SOCS5: variants seen among roughly 807,000 people sequenced by gnomAD.
SOCS5 encodes CIS-6.
SOCS5 carries 32 observed loss-of-function variants against 42.8 expected under a neutral mutation model. The observed-to-expected ratio is 0.75, with a 90% CI of 0.56 to 1.01. The LOEUF is 1.01. SOCS5 is among the 50% of genes least tolerant of loss of function. The probability of loss-of-function intolerance (pLI) is 0.00; values close to 1 mark genes in which losing one functional copy is unlikely to be tolerated. For missense variants in SOCS5, 627 were observed against 653.0 expected (o/e 0.96, Z 0.43); for synonymous variants, 283 against 229.6 (o/e 1.23, Z -2.10).
chr2:46,762,624 G>T lies in SOCS5; in HGVS notation c.*2483G>T. On this transcript the variant is annotated 3_prime_UTR_variant, in exon 2 of 2. Transcript: ENST00000394861. ...TAAATTTTTGTCTTAAAATATTAGT[G>T]GCTTACATTTTAAAAAAGAAAAATC... is the stretch of plus-strand genomic sequence containing the variant. The T allele has an allele frequency of 6.0e-6, 1 of 165,726 alleles. No individual in the cohort carries two copies. 10.3% of individuals were successfully genotyped at this position (165,726 alleles called of 1,614,324 possible).
In SOCS5 at chr2:46,723,512, G is replaced by A. The variant is rs1000886272; in HGVS notation, c.-13+24063G>A. Among the ~76,000 whole-genome samples the A allele has an allele frequency of 8.5e-5, 13 of 152,102 alleles. No homozygotes were observed. The South Asian group carries it at 1.0e-3, about 12-fold the overall frequency. Reference sequence around the variant, plus strand: ...TATTTTGGTATATGGGTGTCCAATTGTTACAACACCTATTGTTTAGGGAAA... The same window carrying A: ...TATTTTGGTATATGGGTGTCCAATTATTACAACACCTATTGTTTAGGGAAA... On this transcript the variant is annotated intron_variant, in intron 1 of 1. Coordinates refer to ENST00000394861, the MANE Select transcript of SOCS5 (RefSeq NM_144949.3).
chr2:46,750,066 G>A (rs981758083), intron 1 of SOCS5, among the ~76,000 whole-genome samples: 1 of 152,242 alleles, frequency 6.6e-6, no homozygotes. Flanking sequence ...GTACCAAGGG[G>A]CTAATTTAGG....
chr2:46,707,732 A>T (rs2103692052), intron 1 of SOCS5, among the ~76,000 whole-genome samples: 1 of 152,372 alleles, frequency 6.6e-6, no homozygotes, highest in African/African-American at 2.4e-5. Flanking sequence ...AAAAGATTGG[A>T]GACATTTACC....
intron 1 of SOCS5, among the ~76,000 whole-genome samples, chr2:46,728,359 T>C (rs914131016): frequency 6.6e-6 from 1 of 152,222 alleles, no homozygotes; most frequent in African/African-American, 2.4e-5. Flanking sequence ...ATTGAAGCAA[T>C]GTGTACTGTT....
intron 1 of SOCS5, among the ~76,000 whole-genome samples, chr2:46,742,210 T>A (rs1572843108): frequency 6.6e-6 from 1 of 152,280 alleles, no homozygotes; most frequent in South Asian, 2.1e-4. Flanking sequence ...TCCTTTGCTG[T>A]TTTTTAATTG....
At position 46,758,552 on chromosome 2, in the gene SOCS5, T is replaced by A. The variant is rs762363988; in HGVS notation, c.22T>A (p.Trp8Arg). The A allele has an allele frequency of 6.3e-7, 1 of 1,590,016 alleles. No individual in the cohort carries two copies. The highest frequency in any genetic ancestry group is 1.2e-5 in the South Asian group (1 of 86,326). The change falls in exon 2 of 2, where the codon TGG becomes AGG. Residue 8 changes from tryptophan to arginine, a missense_variant. Around this residue, in one of 3 missense-constraint regions of SOCS5, gnomAD observed 278 missense variants for 246.3 expected, o/e 1.13. Coordinates refer to ENST00000394861, the MANE Select transcript of SOCS5 (RefSeq NM_144949.3). Reference protein sequence around the residue: MDKVGKMWNNFKYRCQNL... With the variant: MDKVGKMRNNFKYRCQNL... ...ATCAATGGATAAAGTGGGAAAAATG[T>A]GGAATAACTTCAAATACAGGTGTCA...
At chr2:46,700,683 G>GT (rs1273687979) in intron 1 of SOCS5, among the ~76,000 whole-genome samples, 1 of 152,172 alleles carries the variant, frequency 6.6e-6, no homozygotes, top group Admixed American at 6.5e-5. Flanking sequence ...TAATCTTAAT[G>GT]TCAGTTGTTT....
At chr2:46,727,364 G>C (rs2103721738) in intron 1 of SOCS5, among the ~76,000 whole-genome samples, 1 of 152,148 alleles carries the variant, frequency 6.6e-6, no homozygotes. Flanking sequence ...TCTGTTTATT[G>C]TCCCATGCAA....
At chr2:46,752,018 G>A (rs1034889030) in intron 1 of SOCS5, among the ~76,000 whole-genome samples, 1 of 152,188 alleles carries the variant, frequency 6.6e-6, no homozygotes, top group Non-Finnish European at 1.5e-5. Flanking sequence ...GCCTATGGCT[G>A]CATTCAGGCT....
intron 1 of SOCS5, among the ~76,000 whole-genome samples, chr2:46,716,125 T>C (rs1488509913): frequency 7.3e-6 from 1 of 136,546 alleles, no homozygotes; most frequent in African/African-American, 2.8e-5. Context: ...TTTTTTTTTT[T>C]AGTTCTAGAA....
rs966718729 is a variant in SOCS5 at position 46,699,855 on chromosome 2, G to C, written c.-13+406G>C. ...GGAGACTGAAGCAGTTACACAGGCT[G>C]CAGGGAAGGGAGCACCGACCAAGTC... is the stretch of plus-strand genomic sequence containing the variant. On this transcript the variant is annotated intron_variant, in intron 1 of 1. Transcript: ENST00000394861. The surrounding 1 kb of genome is among the most constrained non-coding windows in gnomAD (Gnocchi z 4.8). Among the ~76,000 whole-genome samples, 4 of 152,098 alleles carry C rather than the reference G, an allele frequency of 2.6e-5. No homozygotes were observed. Among genetic ancestry groups the C allele is most frequent in the African/African-American group, 9.7e-5 (4 of 41,414 alleles).
At chr2:46,713,817 T>G (rs1004009854) in intron 1 of SOCS5, among the ~76,000 whole-genome samples, 17 of 152,346 alleles carry the variant, frequency 1.1e-4, no homozygotes, top group Non-Finnish European at 2.4e-4. Context: ...TAAGCATTCT[T>G]TAGCTGCATC....
At chr2:46,748,403 T>A (rs1673556526) in intron 1 of SOCS5, among the ~76,000 whole-genome samples, 1 of 151,952 alleles carries the variant, frequency 6.6e-6, no homozygotes, top group African/African-American at 2.4e-5. Flanking sequence ...CTCAGGCTGG[T>A]CTCAAACTCC....
intron 1 of SOCS5, among the ~76,000 whole-genome samples, chr2:46,710,987 G>C (rs1672608534): frequency 6.6e-6 from 1 of 152,086 alleles, no homozygotes; most frequent in African/African-American, 2.4e-5. Flanking sequence ...TGTTTTTGAG[G>C]TTCATCCATG....
In SOCS5 at chr2:46,749,331, A is replaced by G. The variant is rs972549256; in HGVS notation, c.-12-9188A>G. Among the ~76,000 whole-genome samples the G allele has an allele frequency of 1.8e-4, 28 of 152,112 alleles. 1 individual carries two copies. The stretch of plus-strand genomic sequence containing the variant: ...CAGAAGCTATGATTTTTGTCGCCCT[A>G]TTATATACTTAGTTGTTTTTACCTT... On this transcript the variant is annotated intron_variant, in intron 1 of 1. Coordinates refer to ENST00000394861, the MANE Select transcript of SOCS5 (RefSeq NM_144949.3).
intron 1 of SOCS5, among the ~76,000 whole-genome samples, chr2:46,702,598 C>T (rs1022892108): frequency 3.3e-5 from 5 of 152,226 alleles, no homozygotes; most frequent in African/African-American, 1.2e-4. Flanking sequence ...CTCAGCTCTT[C>T]TCTGCCAGTG....
At chr2:46,728,141 C>T (rs903535942) in intron 1 of SOCS5, among the ~76,000 whole-genome samples, 2 of 152,162 alleles carry the variant, frequency 1.3e-5, no homozygotes, top group East Asian at 1.9e-4. Context: ...TCCAGGTTTC[C>T]CCCAAGTCCA....
At chr2:46,725,117 C>T (rs1229882463) in intron 1 of SOCS5, among the ~76,000 whole-genome samples, 1 of 151,856 alleles carries the variant, frequency 6.6e-6, no homozygotes, top group African/African-American at 2.4e-5. Context: ...TGTTGTGGCT[C>T]TTTTTATTCC....
intron 1 of SOCS5, among the ~76,000 whole-genome samples, chr2:46,706,891 T>C (rs1672504637): frequency 1.3e-5 from 2 of 152,210 alleles, no homozygotes; most frequent in Non-Finnish European, 2.9e-5. Context: ...TTCCTCAAAA[T>C]TGAGATAAAA....
Sources: allele counts gnomAD v4.1 joint callset (sites outside exome capture counted in the v4.1 genomes callset), GRCh38; gene constraint gnomAD v4.1.1; regional missense constraint gnomAD v4.1.1; non-coding constraint Gnocchi (gnomAD v3.1); transcripts MANE v1.5; gene names NCBI Gene and HGNC (gene_info 2026-07-23, HGNC 2026-07-21).